The following TBXAS1 variants were observed in gnomAD, a reference collection of about 807,000 sequenced individuals.
TBXAS1 encodes thromboxane A synthase 1.
Under a neutral mutation model 60.7 loss-of-function variants are expected in TBXAS1, and 48 were observed. The observed-to-expected ratio is 0.79, with a 90% CI of 0.63 to 1.01. The LOEUF is 1.01. TBXAS1 is among the 50% of genes least tolerant of loss of function. The probability of loss-of-function intolerance (pLI) is 0.00; values close to 1 mark genes in which losing one functional copy is unlikely to be tolerated. For synonymous variants in TBXAS1, 287 were observed against 269.7 expected (o/e 1.06, Z -0.63); for missense variants, 685 against 686.3 (o/e 1.00, Z 0.02).
At chr7:139,840,456 C>T (rs1381933146) in intron 1 of TBXAS1, among the ~76,000 whole-genome samples, 2 of 152,132 alleles carry the variant, frequency 1.3e-5, no homozygotes, top group Admixed American at 1.3e-4. Flanking sequence ...ATATCAAAGG[C>T]CCTGAAAGGT....
In TBXAS1 at chr7:139,958,812, G is replaced by A. The variant is rs529508004; in HGVS notation, c.819+1048G>A. On this transcript the variant is annotated intron_variant, in intron 8 of 12. Coordinates refer to ENST00000448866, the MANE Select transcript of TBXAS1 (RefSeq NM_001061.7). ...GCCCACACCACTGTGAACTCAACTC[G>A]CATGTCCTTGGAGGTGCGGGAAGAA... Among the ~76,000 whole-genome samples, 5 of 152,234 alleles carry A rather than the reference G, an allele frequency of 3.3e-5. 1 individual carries two copies. The South Asian group carries it at 8.3e-4, about 25-fold the overall frequency.
rs1171837724 is a variant in TBXAS1 at position 139,975,148 on chromosome 7, G to A, written c.1134+12915G>A. On this transcript the variant is annotated intron_variant, in intron 9 of 12. Transcript: ENST00000448866. This position sits in a 1 kb window ranked among gnomAD's most constrained non-coding sequence, Gnocchi z 4.4. ...TCTTACGGCCTTCAACCGATTGGAT[G>A]AGGCACGCCCATATTATTGAGGATA... 1.3e-5 allele frequency among the ~76,000 whole-genome samples: 2 copies of A among 152,224 alleles called. No homozygotes were observed. The highest frequency in any genetic ancestry group is 4.8e-5 in the African/African-American group (2 of 41,456).
At chr7:139,812,202 G>T (rs770574680) in intron 4 of TBXAS1, among the ~76,000 whole-genome samples, 4 of 152,224 alleles carry the variant, frequency 2.6e-5, no homozygotes, top group Non-Finnish European at 5.9e-5. Context: ...ACTCTTTCCA[G>T]AGCAAAGAAA....
chr7:140,019,656 C>A (rs1815394634), intron 12 of TBXAS1, among the ~76,000 whole-genome samples: 1 of 152,204 alleles, frequency 6.6e-6, no homozygotes, highest in Admixed American at 6.5e-5. Flanking sequence ...TCGAGTAATT[C>A]TTTGGTTTTT....
intron 4 of TBXAS1, among the ~76,000 whole-genome samples, chr7:139,822,649 G>C (rs1331670512): frequency 6.6e-6 from 1 of 152,122 alleles, no homozygotes; most frequent in Non-Finnish European, 1.5e-5. Flanking sequence ...GCACTATCAT[G>C]GGCTCACTCA....
At chr7:139,875,773 GCCCAC>G in intron 3 of TBXAS1, 136 bp downstream of exon 3, 1 of 1,208,400 alleles carries the variant, frequency 8.3e-7, no homozygotes, top group Non-Finnish European at 1.2e-6. Flanking sequence ...TTTTCAAAGG[GCCCAC>G]AAAGAGGGAG....
chr7:139,840,852 G>A (rs1187569881), intron 1 of TBXAS1, among the ~76,000 whole-genome samples: 12 of 152,188 alleles, frequency 7.9e-5, no homozygotes, highest in Admixed American at 2.6e-4. Context: ...CTCGGAGGTC[G>A]TGAGTGTCCC....
chr7:139,790,720 C>T (rs537188081), intron 4 of TBXAS1, among the ~76,000 whole-genome samples: 1 of 152,312 alleles, frequency 6.6e-6, no homozygotes, highest in South Asian at 2.1e-4. Flanking sequence ...GCTTAGGACT[C>T]CATATTACAT....
At chr7:139,905,005 C>CTTTCTTTCTTTCTTTCTT (rs1285874660) in intron 3 of TBXAS1, among the ~76,000 whole-genome samples, 2 of 90,420 alleles carry the variant, frequency 2.2e-5, no homozygotes, top group Non-Finnish European at 4.5e-5. Context: ...CTCTCTTTCT[C>CTTTCTTTCTTTCTTTCTT]TCTTTCTTTC....
At position 139,962,043 on chromosome 7, in the gene TBXAS1, G is replaced by A. The variant is rs758496547; in HGVS notation, c.944G>A (p.Arg315Gln). Residue 315 changes from arginine (R) to glutamine (Q), a missense_variant, in exon 9 of 13, where the codon CGG becomes CAG. Physicochemically the swap from Arg to Gln is conservative, Grantham distance 43 (BLOSUM62 1). Coordinates refer to ENST00000448866, the MANE Select transcript of TBXAS1 (RefSeq NM_001061.7). ...ACTGGGTGCAAGCCGAACCCTTCCCGGCAACACCAGCCCAGCCCTATGGCC... is the reference window on the plus strand; with the variant it reads ...ACTGGGTGCAAGCCGAACCCTTCCCAGCAACACCAGCCCAGCCCTATGGCC... ...SSTGCKPNPSRQHQPSPMARP... is the reference protein window; with the variant it reads ...SSTGCKPNPSQQHQPSPMARP... 1.1e-5 allele frequency: 17 copies of A among 1,614,088 alleles called. No individual in the cohort carries two copies. The highest frequency in any genetic ancestry group is 6.7e-5 in the East Asian group (3 of 44,894).
intron 9 of TBXAS1, among the ~76,000 whole-genome samples, chr7:139,963,891 T>C (rs1810564331): frequency 6.6e-6 from 1 of 152,196 alleles, no homozygotes; most frequent in Non-Finnish European, 1.5e-5. Context: ...CGCCAGTTCT[T>C]GGCTGTGCTC....
intron 4 of TBXAS1, among the ~76,000 whole-genome samples, chr7:139,921,926 C>G (rs1367344804): frequency 6.6e-6 from 1 of 152,066 alleles, no homozygotes; most frequent in East Asian, 1.9e-4. Flanking sequence ...AGGGGTTGAG[C>G]CAATCTATAC....
At chr7:139,843,360 A>ATTTATTTATTTG (rs1799592730) in intron 1 of TBXAS1, among the ~76,000 whole-genome samples, 1 of 151,150 alleles carries the variant, frequency 6.6e-6, no homozygotes, top group Non-Finnish European at 1.5e-5. Flanking sequence ...TTATTTATTT[A>ATTTATTTATTTG]GAGATGGAGT....
chr7:139,955,537 G>C lies in TBXAS1; in HGVS notation c.618G>C (p.Glu206Asp). Residue 206 changes from glutamate (E) to aspartate (D), a missense_variant, in exon 7 of 13, where the codon GAG (glutamate) becomes GAC (aspartate). Physicochemically the swap from Glu to Asp is conservative, Grantham distance 45. Coordinates refer to ENST00000448866, the MANE Select transcript of TBXAS1 (RefSeq NM_001061.7). The part of the protein sequence containing the change: ...GTPVDSWQAP[E>D]DPFVKHCKRF... ...CGGTGGACTCCTGGCAGGCCCCTGA[G>C]GATCCCTTTGTGAAACACTGCAAGC... 1.2e-6 allele frequency: 2 copies of C among 1,614,216 alleles called. No individual in the cohort carries two copies.
intron 2 of TBXAS1, 94 bp from the exon 3 acceptor site, chr7:139,875,491 G>A (rs1256760429): frequency 3.2e-5 from 32 of 1,004,034 alleles, no homozygotes; most frequent in Non-Finnish European, 5.1e-5. Flanking sequence ...TTCTGTAATT[G>A]TATTCTTGCT....
Position 139,872,291 on chromosome 7 carries a change from C to T in TBXAS1, c.146C>T (p.Pro49Leu), listed in dbSNP as rs1462395723. The change falls in exon 2 of 13, where the codon CCT becomes CTT. Residue 49 changes from proline to leucine, a missense_variant. By Grantham distance (98) the Pro-to-Leu change is moderately conservative. Transcript: ENST00000448866. The stretch of plus-strand genomic sequence containing the variant: ...AAGTTAGGCCTCAGACATCCCAAGC[C>T]TTCTCCTTTCATTGGAAACTTGACA... ...LEKLGLRHPK[P>L]SPFIGNLTFF... is the part of the protein sequence containing the mutation. 1 of 1,614,112 alleles carries T rather than the reference C, an allele frequency of 6.2e-7. No homozygotes were observed. The highest frequency in any genetic ancestry group is 1.3e-5 in the African/African-American group (1 of 75,050).
At chr7:139,793,758 G>T (rs1797463720) in intron 4 of TBXAS1, among the ~76,000 whole-genome samples, 1 of 152,212 alleles carries the variant, frequency 6.6e-6, no homozygotes, top group South Asian at 2.1e-4. Context: ...TTTACAAAGT[G>T]CTTTACAGTT....
chr7:139,919,718 T>G (rs772624044), intron 4 of TBXAS1, among the ~76,000 whole-genome samples: 1 of 152,238 alleles, frequency 6.6e-6, no homozygotes, highest in Admixed American at 6.5e-5. Context: ...ATCACTGGGC[T>G]GGTGCATGAG....
chr7:139,807,662 C>T (rs1170991248), intron 4 of TBXAS1, among the ~76,000 whole-genome samples: 2 of 152,114 alleles, frequency 1.3e-5, no homozygotes, highest in East Asian at 1.9e-4. Context: ...GGATTACAGG[C>T]GTGAGCCACC....
Sources: gnomAD v4.1 joint callset for allele counts (sites outside exome capture counted in the v4.1 genomes callset) on GRCh38, gnomAD v4.1.1 for gene constraint, Gnocchi (gnomAD v3.1) non-coding constraint, MANE v1.5 for transcripts, NCBI Gene and HGNC (gene_info 2026-07-23, HGNC 2026-07-21) for gene names.